The following SLC2A12 variants were observed in gnomAD, a reference collection of about 807,000 sequenced individuals.
The protein encoded by SLC2A12 is solute carrier family 2, facilitated glucose transporter member 12.
A neutral mutation model predicts 41.8 loss-of-function variants in SLC2A12; 23 were observed. The observed-to-expected ratio is 0.55, with a 90% CI of 0.40 to 0.78. SLC2A12 has a LOEUF of 0.78. SLC2A12 is among the 30% of genes least tolerant of loss of function. The pLI is 0.00. For synonymous variants in SLC2A12, 295 were observed against 285.9 expected, an observed-to-expected ratio of 1.03 and a Z score of -0.32; for missense variants, 654 against 745.6, an observed-to-expected ratio of 0.88 and a Z score of 1.43.
At chr6:134,051,012 C>G (rs2811688) in intron 1 of SLC2A12, among the ~76,000 whole-genome samples, 63,111 of 151,942 alleles carry the variant, frequency 0.42, 13,708 homozygotes, top group South Asian at 0.59. Context: ...ACTGTAACCT[C>G]CAAGTGATTC....
chr6:133,989,955 AAT>A lies in SLC2A12; in HGVS notation c.*1198_*1199del, dbSNP rs1776598242. On this transcript the variant is annotated 3_prime_UTR_variant, in exon 5 of 5. Transcript: ENST00000275230. ...TCCATCACTTAAATATTAGTAATTT[AAT>A]ATGTTATTTGGTTCAAGATTTGATT... 1 of 152,210 alleles carries A rather than the reference AAT, an allele frequency of 6.6e-6. No individual in the cohort carries two copies. The highest frequency in any genetic ancestry group is 2.4e-5 in the African/African-American group (1 of 41,454). The allele number at this position is 152,210 out of a possible 1,614,324, so 9.4% of individuals were successfully genotyped here.
In SLC2A12 at chr6:134,052,529, C is replaced by T; in HGVS notation, c.-49G>A. The T allele has an allele frequency of 2.7e-6, 4 of 1,462,116 alleles. No individual in the cohort carries two copies. In the South Asian group the frequency reaches 3.4e-5, roughly 13 times the overall value. The allele number at this position is 1,462,116 out of a possible 1,614,324, so 90.6% of individuals were successfully genotyped here. The stretch of plus-strand genomic sequence containing the variant: ...TTCCCCGCCACCAAACCGCCCCGAC[C>T]ACCCCCGCTCCCAGGAGTGGTCACT... On this transcript the variant is annotated 5_prime_UTR_variant, in exon 1 of 5. Coordinates refer to ENST00000275230, the MANE Select transcript of SLC2A12 (RefSeq NM_145176.3).
intron 2 of SLC2A12, among the ~76,000 whole-genome samples, chr6:134,022,814 G>A (rs1777062991): frequency 6.6e-6 from 1 of 152,154 alleles, no homozygotes; most frequent in African/African-American, 2.4e-5. Flanking sequence ...AAGAAAGAAG[G>A]AGCTCTTATC....
intron 1 of SLC2A12, among the ~76,000 whole-genome samples, chr6:134,048,276 C>T (rs1773606395): frequency 6.6e-6 from 1 of 152,110 alleles, no homozygotes; most frequent in Non-Finnish European, 1.5e-5. Context: ...AGCAAGTGGT[C>T]CTCCATAAAT....
At chr6:134,050,006 A>G (rs1773651209) in intron 1 of SLC2A12, among the ~76,000 whole-genome samples, 1 of 152,178 alleles carries the variant, frequency 6.6e-6, no homozygotes, top group Non-Finnish European at 1.5e-5. Context: ...TAATTTAAAT[A>G]CTCTGAATGT....
Position 134,029,386 on chromosome 6 carries a change from A to G in SLC2A12, c.439T>C (p.Ser147Pro), listed in dbSNP as rs1334447671. 10 of 1,614,086 alleles carry G rather than the reference A, an allele frequency of 6.2e-6. No homozygotes were observed. The highest frequency in any genetic ancestry group is 1.3e-5 in the African/African-American group (1 of 74,946). Reference sequence around the variant, plus strand: ...ATGTAAACACAAGTGGCAATGGAAGAGAGGGAGATGGAGACCCCTATGGCA... The same window carrying G: ...ATGTAAACACAAGTGGCAATGGAAGGGAGGGAGATGGAGACCCCTATGGCA... The part of the protein sequence containing the change: ...RIAIGVSISL[S>P]SIATCVYIAE... The change falls in exon 2 of 5, where the codon TCT (serine) becomes CCT (proline). Residue 147 changes from serine to proline, a missense_variant. By Grantham distance (74) the Ser-to-Pro change is moderately conservative. Around this residue, in one of 3 missense-constraint regions of SLC2A12, gnomAD observed 411 missense variants for 412.1 expected, o/e 1.00. Coordinates refer to ENST00000275230, the MANE Select transcript of SLC2A12 (RefSeq NM_145176.3).
chr6:134,043,648 A>T (rs2627235), intron 1 of SLC2A12, among the ~76,000 whole-genome samples: 4 of 151,442 alleles, frequency 2.6e-5, no homozygotes, highest in African/African-American at 9.7e-5. Flanking sequence ...AAAAATTAGC[A>T]AGGTGTGGTG....
chr6:133,995,768 A>G (rs1196313565), intron 4 of SLC2A12, among the ~76,000 whole-genome samples: 2 of 152,320 alleles, frequency 1.3e-5, no homozygotes, highest in East Asian at 1.9e-4. Flanking sequence ...TTCCACTGCA[A>G]TTAGAATGAA....
chr6:133,996,618 C>T (rs968821196), intron 4 of SLC2A12, among the ~76,000 whole-genome samples: 3 of 152,148 alleles, frequency 2.0e-5, no homozygotes, highest in Non-Finnish European at 4.4e-5. Context: ...TAGAAATAGA[C>T]ATTGGGATTT....
chr6:134,051,308 G>A (rs779872105), intron 1 of SLC2A12, among the ~76,000 whole-genome samples: 33 of 152,200 alleles, frequency 2.2e-4, no homozygotes, highest in African/African-American at 7.0e-4. Context: ...GAAGAGGGCC[G>A]CTTCATGCCT....
At position 134,052,532 on chromosome 6, in the gene SLC2A12, C is replaced by A; in HGVS notation, c.-52G>T. On this transcript the variant is annotated 5_prime_UTR_variant, in exon 1 of 5. Coordinates refer to ENST00000275230, the MANE Select transcript of SLC2A12 (RefSeq NM_145176.3). ...CCCGCCACCAAACCGCCCCGACCAC[C>A]CCCGCTCCCAGGAGTGGTCACTTTC... The A allele has an allele frequency of 6.9e-7, 1 of 1,442,404 alleles. No individual in the cohort carries two copies. Among genetic ancestry groups the A allele is most frequent in the Non-Finnish European group, 9.7e-7 (1 of 1,030,986 alleles). The allele number at this position is 1,442,404 out of a possible 1,614,324, so 89.4% of individuals were successfully genotyped here.
At chr6:134,043,714 C>T (rs1777416325) in intron 1 of SLC2A12, among the ~76,000 whole-genome samples, 3 of 150,896 alleles carry the variant, frequency 2.0e-5, no homozygotes, top group Admixed American at 1.3e-4. Context: ...ATCGCTTGAA[C>T]CCGGGAGGCA....
At chr6:134,031,781 T>C (rs2114484153) in intron 1 of SLC2A12, among the ~76,000 whole-genome samples, 1 of 152,274 alleles carries the variant, frequency 6.6e-6, no homozygotes, top group African/African-American at 2.4e-5. Context: ...GTATACAGAT[T>C]TGGAGCTTAA....
intron 2 of SLC2A12, among the ~76,000 whole-genome samples, chr6:134,016,745 G>T (rs955305727): frequency 2.0e-5 from 3 of 152,288 alleles, no homozygotes; most frequent in African/African-American, 7.2e-5. Context: ...TCAACAGTTT[G>T]ATTACTTGTG....
At chr6:133,998,038 A>G (rs138592352) in intron 4 of SLC2A12, among the ~76,000 whole-genome samples, 2 of 152,232 alleles carry the variant, frequency 1.3e-5, no homozygotes, top group East Asian at 3.9e-4. Context: ...TCCTCTCCTA[A>G]TTTGCAATTT....
In SLC2A12 at chr6:134,048,293, G is replaced by A. The variant is rs112578552; in HGVS notation, c.103+4085C>T. Among the ~76,000 whole-genome samples the A allele has an allele frequency of 5.3e-3, 803 of 152,248 alleles. 5 individuals carry two copies. The highest frequency in any genetic ancestry group is 0.018 in the African/African-American group (748 of 41,562). On this transcript the variant is annotated intron_variant, in intron 1 of 4. Coordinates refer to ENST00000275230, the MANE Select transcript of SLC2A12 (RefSeq NM_145176.3). ...CAAGTGGTCCTCCATAAATGAACAC[G>A]TCTAAAAATCCTGTCATTTCCAGCC...
chr6:134,030,413 C>G (rs946047652), intron 1 of SLC2A12, among the ~76,000 whole-genome samples: 2 of 152,248 alleles, frequency 1.3e-5, no homozygotes, highest in East Asian at 3.9e-4. Context: ...ATATCCCTTA[C>G]TCATTCTGAG....
intron 1 of SLC2A12, among the ~76,000 whole-genome samples, 173 bp downstream of exon 1, chr6:134,052,205 C>G (rs948497833): frequency 1.3e-5 from 2 of 151,084 alleles, no homozygotes; most frequent in Non-Finnish European, 3.0e-5. Flanking sequence ...AGACCCTGTC[C>G]CCTTCTCTCC....
chr6:133,997,710 C>T (rs561681393), intron 4 of SLC2A12, among the ~76,000 whole-genome samples: 1 of 152,106 alleles, frequency 6.6e-6, no homozygotes, highest in African/African-American at 2.4e-5. Context: ...ATGTTCACTA[C>T]CTGGGTGACA....
Sources: gnomAD v4.1 joint callset for allele counts (sites outside exome capture counted in the v4.1 genomes callset) on GRCh38, gnomAD v4.1.1 for gene constraint, gnomAD v4.1.1 regional missense constraint, MANE v1.5 for transcripts, NCBI Gene and HGNC (gene_info 2026-07-23, HGNC 2026-07-21) for gene names.